Variants in BSG observed in about 807,000 individuals in gnomAD.
BSG encodes the protein basigin.
Under a neutral mutation model 43.1 loss-of-function variants are expected in BSG, and 37 were observed. The ratio of observed to expected loss-of-function variants is 0.86; its 90% CI spans 0.66 to 1.13. BSG has a LOEUF of 1.13. Ranked by LOEUF, BSG falls within the 50% of genes most tolerant of loss-of-function variation. The probability of loss-of-function intolerance (pLI) is 0.00; values close to 1 mark genes in which losing one functional copy is unlikely to be tolerated. For synonymous variants in BSG, 309 were observed against 238.7 expected (o/e 1.29, Z -2.72); for missense variants, 599 against 554.2 (o/e 1.08, Z -0.81).
intron 1 of BSG, 24 bp downstream of exon 1, chr19:572,725 G>A: frequency 4.1e-6 from 6 of 1,461,504 alleles, no homozygotes; most frequent in African/African-American, 1.5e-5. Flanking sequence ...AGGGGGCGGG[G>A]GTGCGGTCCT....
rs779392712 is a variant in BSG at position 577,800 on chromosome 19, C to T, written c.94C>T (p.Gln32Ter). 4 of 1,446,250 alleles carry T rather than the reference C, an allele frequency of 2.8e-6. No individual in the cohort carries two copies. The Admixed American group carries it at 7.6e-5, about 27-fold the overall frequency. 89.6% of individuals were successfully genotyped at this position (1,446,250 alleles called of 1,614,324 possible). Residue 32 changes from glutamine to a stop codon, truncating the protein, a stop_gained, in exon 2 of 9, where the codon CAG (glutamine) becomes TAG (stop). Coordinates refer to ENST00000333511, the MANE Select transcript of BSG (RefSeq NM_001728.4). LOFTEE classifies it high-confidence loss of function. ...CGGCTTCGTCCAGGCGCCGCTGTCC[C>T]AGCAGAGGTGGGTGGGGGGCAGTGT... ...AAGFVQAPLS[Q>*]QRWVGGSVEL... is the part of the protein sequence containing the mutation.
At chr19:578,955 C>T (rs945333373) in intron 2 of BSG, 5 of 452,396 alleles carry the variant, frequency 1.1e-5, no homozygotes, top group Non-Finnish European at 2.2e-5. Context: ...TGGTCTCGAT[C>T]TCCCGACCTC....
At chr19:573,076 T>G (rs570927174) in intron 1 of BSG, among the ~76,000 whole-genome samples, 126 of 118,792 alleles carry the variant, frequency 1.1e-3, no homozygotes, top group African/African-American at 4.2e-3. Context: ...GGTGACCTGC[T>G]TCCTGGGTGA....
At chr19:576,918 T>C (rs1981825481) in intron 1 of BSG, among the ~76,000 whole-genome samples, 1 of 151,834 alleles carries the variant, frequency 6.6e-6, no homozygotes, top group Non-Finnish European at 1.5e-5. Context: ...TGTGCACGCA[T>C]ATGCACGTGT....
chr19:573,208 G>C (rs1409476054), intron 1 of BSG, among the ~76,000 whole-genome samples: 1 of 152,152 alleles, frequency 6.6e-6, no homozygotes, highest in Non-Finnish European at 1.5e-5. Flanking sequence ...GGGCTGGTTG[G>C]TGCCTGCCCA....
chr19:576,245 G>A (rs988712049), intron 1 of BSG, among the ~76,000 whole-genome samples: 2 of 152,202 alleles, frequency 1.3e-5, no homozygotes, highest in African/African-American at 4.8e-5. Flanking sequence ...CCCTCTCCTA[G>A]CACCCCTGGG....
chr19:571,484 TGA>T (rs1359748664), upstream of BSG: 3 of 777,472 alleles, frequency 3.9e-6, no homozygotes, highest in East Asian at 2.4e-5. Context: ...CCCGCGTTGC[TGA>T]GAGTCTGGGT....
chr19:574,043 TCAGGAG>T (rs1981534168), intron 1 of BSG, among the ~76,000 whole-genome samples: 1 of 143,408 alleles, frequency 7.0e-6, no homozygotes, highest in Non-Finnish European at 1.5e-5. Flanking sequence ...TCACCTGAGG[TCAGGAG>T]TTCAAGACCA....
chr19:579,701 G>A (rs1347407478), intron 3 of BSG, 45 bp downstream of exon 3: 11 of 1,565,850 alleles, frequency 7.0e-6, no homozygotes, highest in Non-Finnish European at 8.6e-6. Context: ...CCTTCTCACG[G>A]CTCTCTTGCC....
intron 1 of BSG, among the ~76,000 whole-genome samples, chr19:572,965 C>T (rs941923726): frequency 4.6e-5 from 7 of 151,976 alleles, no homozygotes; most frequent in African/African-American, 1.7e-4. Context: ...TGTGTGTGGG[C>T]GTGAAGCTCC....
upstream of BSG, chr19:572,528 A>C (rs183979701): frequency 7.4e-5 from 93 of 1,259,024 alleles, no homozygotes; most frequent in African/African-American, 1.3e-3. Flanking sequence ...CCCCGAGATG[A>C]CGCCGTGCGT....
intron 1 of BSG, among the ~76,000 whole-genome samples, chr19:577,183 G>A (rs1981851483): frequency 1.3e-5 from 2 of 152,190 alleles, no homozygotes; most frequent in Admixed American, 1.3e-4. Context: ...CGAAGGAAGG[G>A]GAGGCGTGTG....
chr19:572,498 G>T (rs999828463), upstream of BSG: 1 of 1,197,738 alleles, frequency 8.3e-7, no homozygotes, highest in East Asian at 3.6e-5. Context: ...GGCGACCGGC[G>T]TCCCCGGCGC....
Position 579,607 on chromosome 19 carries a change from G to A in BSG, c.523G>A (p.Gly175Ser). Residue 175 changes from glycine to serine, a missense_variant, in exon 3 of 9, where the codon GGC becomes AGC. By Grantham distance (56) the Gly-to-Ser change is moderately conservative (BLOSUM62 0). Transcript: ENST00000333511. The part of the protein sequence containing the change: ...EVTGHRWLKG[G>S]VVLKEDALPG... ...CACAGGGCACCGCTGGCTGAAGGGG[G>A]GCGTGGTGCTGAAGGAGGACGCGCT... The A allele has an allele frequency of 6.2e-7, 1 of 1,612,590 alleles. No homozygotes were observed. The highest frequency in any genetic ancestry group is 1.1e-5 in the South Asian group (1 of 91,072).
upstream of BSG, chr19:571,880 AAAG>A (rs1411445006): frequency 9.8e-5 from 44 of 450,882 alleles, no homozygotes; most frequent in Middle Eastern, 1.2e-3. Context: ...ACCTGCGAGG[AAAG>A]AAGAAGGGGG....
rs1276189221 is a variant in BSG, at chr19:580,652, C to A, written c.662C>A (p.Pro221His). 2.5e-6 allele frequency: 4 copies of A among 1,612,814 alleles called. No individual in the cohort carries two copies. Among genetic ancestry groups the A allele is most frequent in the Non-Finnish European group, 3.4e-6 (4 of 1,179,950 alleles). ...GTANIQLHGP[P>H]RVKAVKSSEH... ...TCTCTCACCCTCCTGTCAGGGCCTCCCAGAGTGAAGGCTGTGAAGTCGTCA... is the reference window on the plus strand; with the variant it reads ...TCTCTCACCCTCCTGTCAGGGCCTCACAGAGTGAAGGCTGTGAAGTCGTCA... The change falls in exon 5 of 9, where the codon CCC becomes CAC. Residue 221 changes from proline to histidine, a missense_variant. Coordinates refer to ENST00000333511, the MANE Select transcript of BSG (RefSeq NM_001728.4).
In BSG at chr19:580,383, G is replaced by A; in HGVS notation, c.577G>A (p.Asp193Asn). The change falls in exon 4 of 9, where the codon GAC (aspartate) becomes AAC (asparagine). Residue 193 changes from aspartate to asparagine, a missense_variant. Coordinates refer to ENST00000333511, the MANE Select transcript of BSG (RefSeq NM_001728.4). ...LPGQKTEFKV[D>N]SDDQWGEYSC... ...ACCTGCCTGCTGTGGTTGCAGGGTG[G>A]ACTCCGACGACCAGTGGGGAGAGTA... 1 of 1,610,776 alleles carries A rather than the reference G, an allele frequency of 6.2e-7. No individual in the cohort carries two copies. The highest frequency in any genetic ancestry group is 1.7e-4 in the Middle Eastern group (1 of 6,058).
intron 1 of BSG, chr19:575,129 C>T (rs1424223028): frequency 6.6e-6 from 1 of 152,310 alleles, no homozygotes; most frequent in Non-Finnish European, 1.5e-5. Context: ...CTGCCTGCAG[C>T]CTGGGAAGCA....
At chr19:572,749 A>G (rs1007531431) in intron 1 of BSG, 48 bp downstream of exon 1, 2 of 1,395,296 alleles carry the variant, frequency 1.4e-6, no homozygotes, top group African/African-American at 1.5e-5. Context: ...GGGGCCGGGA[A>G]TGGAGGCCGC....
Sources: allele counts gnomAD v4.1 joint callset (sites outside exome capture counted in the v4.1 genomes callset), GRCh38; gene constraint gnomAD v4.1.1; transcripts MANE v1.5; gene names NCBI Gene and HGNC (gene_info 2026-07-23, HGNC 2026-07-21).